STAG1: variants seen among roughly 807,000 people sequenced by gnomAD.
STAG1 encodes the protein STAG1 cohesin complex component, also known as cohesin subunit SA-1.
In STAG1, 26 loss-of-function variants were observed where a neutral mutation model predicts 170.9. The ratio of observed to expected loss-of-function variants is 0.15; its 90% CI spans 0.11 to 0.21. The LOEUF (loss-of-function observed/expected upper bound fraction) is 0.21. Ranked by LOEUF, STAG1 falls within the 10% of genes least tolerant of loss-of-function variation. STAG1 has a pLI of 1.00. For missense variants in STAG1, 964 were observed against 1,509.5 expected (o/e 0.64, Z 5.99); for synonymous variants, 514 against 497.7 (o/e 1.03, Z -0.44).
intron 30 of STAG1, among the ~76,000 whole-genome samples, chr3:136,341,916 C>T (rs1935990705): frequency 6.6e-6 from 1 of 152,144 alleles, no homozygotes; most frequent in South Asian, 2.1e-4. Flanking sequence ...CAGAATTCAA[C>T]AAGGAAGAAT....
chr3:136,558,582 A>G (rs1936716054), intron 5 of STAG1, among the ~76,000 whole-genome samples: 1 of 152,226 alleles, frequency 6.6e-6, no homozygotes, highest in Non-Finnish European at 1.5e-5. Context: ...TGATATTTGT[A>G]ATCCTACTCA....
Position 136,349,166 on chromosome 3 carries a change from C to T in STAG1, c.3263G>A (p.Arg1088Gln), listed in dbSNP as rs139534751. ...TGTAAAGGCAGACTTACCTTCTACT[C>T]GTTTTTTATGAAGTGGAGGTCGTCC... ...KKGRPPLHKK[R>Q]VEDESLDNTW... Residue 1088 changes from arginine (R) to glutamine (Q), a missense_variant, in exon 29 of 34, where the codon CGA (arginine) becomes CAA (glutamine). Physicochemically the swap from Arg to Gln is conservative, Grantham distance 43 (BLOSUM62 1). Transcript: ENST00000383202. 5 of 1,613,432 alleles carry T rather than the reference C, an allele frequency of 3.1e-6. No individual in the cohort carries two copies. The highest frequency in any genetic ancestry group is 1.7e-6 in the Non-Finnish European group (2 of 1,179,408).
intron 1 of STAG1, among the ~76,000 whole-genome samples, chr3:136,703,943 C>CG (rs1057250465): frequency 4.0e-5 from 6 of 151,572 alleles, no homozygotes; most frequent in Admixed American, 3.3e-4. Context: ...ACCTGGGAGG[C>CG]GGAGGTTGCA....
chr3:136,460,367 C>T (rs2089238051), intron 13 of STAG1, among the ~76,000 whole-genome samples: 1 of 152,092 alleles, frequency 6.6e-6, no homozygotes, highest in African/African-American at 2.4e-5. Context: ...TCTTGGAGGC[C>T]AAGGTGGGTG....
chr3:136,406,563 AAAT>A, intron 21 of STAG1, among the ~76,000 whole-genome samples: 1 of 152,204 alleles, frequency 6.6e-6, no homozygotes, highest in East Asian at 1.9e-4. Flanking sequence ...TAATAATTCA[AAAT>A]AATATGGCAG....
intron 6 of STAG1, among the ~76,000 whole-genome samples, chr3:136,525,641 T>C (rs543633074): frequency 3.9e-5 from 6 of 152,222 alleles, no homozygotes; most frequent in Non-Finnish European, 7.3e-5. Context: ...CTGCTAGCTT[T>C]TGAACGTGTT....
chr3:136,718,861 A>G (rs1933028414), intron 1 of STAG1, among the ~76,000 whole-genome samples: 1 of 152,116 alleles, frequency 6.6e-6, no homozygotes, highest in Non-Finnish European at 1.5e-5. Context: ...TGGGAGACGG[A>G]GGTTGCGGTG....
At chr3:136,602,381 C>CA (rs397819185) in intron 4 of STAG1, among the ~76,000 whole-genome samples, 14,769 of 81,716 alleles carry the variant, frequency 0.18, 851 homozygotes, top group Middle Eastern at 0.3. Flanking sequence ...CCATCTCAAA[C>CA]AAAAAAAAAA....
At chr3:136,496,996 A>T (rs1933143270) in intron 9 of STAG1, among the ~76,000 whole-genome samples, 1 of 152,092 alleles carries the variant, frequency 6.6e-6, no homozygotes, top group Admixed American at 6.6e-5. Flanking sequence ...AATACAACTC[A>T]ACCACCAAGA....
chr3:136,380,128 A>G (rs1937869901), intron 22 of STAG1, among the ~76,000 whole-genome samples: 1 of 152,260 alleles, frequency 6.6e-6, no homozygotes, highest in Admixed American at 6.5e-5. Context: ...TGATACTCAC[A>G]GCACCCATAG....
At chr3:136,622,902 T>C (rs561572124) in intron 3 of STAG1, among the ~76,000 whole-genome samples, 21 of 152,308 alleles carry the variant, frequency 1.4e-4, no homozygotes, top group African/African-American at 5.1e-4. Flanking sequence ...AGTGACCTTC[T>C]CTATGCCTTC....
chr3:136,583,715 G>C (rs1219901252), intron 4 of STAG1, among the ~76,000 whole-genome samples: 1 of 152,160 alleles, frequency 6.6e-6, no homozygotes, highest in Non-Finnish European at 1.5e-5. Context: ...CTTAAACCCA[G>C]GAGGCAAAGG....
intron 1 of STAG1, among the ~76,000 whole-genome samples, chr3:136,743,743 A>T (rs1380475613): frequency 6.6e-6 from 1 of 152,210 alleles, no homozygotes; most frequent in Non-Finnish European, 1.5e-5. Context: ...TTATGAAGCC[A>T]TCATAACCCA....
Position 136,343,898 on chromosome 3 carries a change from C to A in STAG1, c.3380G>T (p.Arg1127Leu). 3 of 1,609,260 alleles carry A rather than the reference C, an allele frequency of 1.9e-6. No individual in the cohort carries two copies. The highest frequency in any genetic ancestry group is 2.5e-6 in the Non-Finnish European group (3 of 1,177,742). The change falls in exon 30 of 34, where the codon CGG becomes CTG. Residue 1127 changes from arginine (R) to leucine (L), a missense_variant. Physicochemically the swap from Arg to Leu is moderately radical, Grantham distance 102. Transcript: ENST00000383202. The part of the protein sequence containing the change: ...LTSTVLRENS[R>L]PMGDQIQEPE... ...TTCTTGAATCTGGTCTCCCATGGGCCGACTGTTCTCCCGCAGTACAGTGGA... is the reference window on the plus strand; with the variant it reads ...TTCTTGAATCTGGTCTCCCATGGGCAGACTGTTCTCCCGCAGTACAGTGGA...
chr3:136,584,305 C>G (rs755891290), intron 4 of STAG1, among the ~76,000 whole-genome samples: 5 of 152,158 alleles, frequency 3.3e-5, no homozygotes, highest in Non-Finnish European at 7.3e-5. Flanking sequence ...TTCACAAAAC[C>G]TCCTTGGCCC....
chr3:136,463,844 CATAT>C (rs904558716), intron 13 of STAG1, among the ~76,000 whole-genome samples: 1 of 141,416 alleles, frequency 7.1e-6, no homozygotes, highest in African/African-American at 2.6e-5. Flanking sequence ...TATATACATA[CATAT>C]ATAAATATAT....
chr3:136,503,115 C>T (rs1160239476), intron 7 of STAG1, among the ~76,000 whole-genome samples: 2 of 152,148 alleles, frequency 1.3e-5, no homozygotes, highest in African/African-American at 4.8e-5. Flanking sequence ...AAGCCTAAAC[C>T]TCTCTACTGA....
At chr3:136,660,128 A>C (rs1941529983) in intron 1 of STAG1, among the ~76,000 whole-genome samples, 1 of 152,238 alleles carries the variant, frequency 6.6e-6, no homozygotes, top group African/African-American at 2.4e-5. Context: ...TGTGGAGGCA[A>C]ACAGAAAAGA....
intron 1 of STAG1, among the ~76,000 whole-genome samples, chr3:136,701,345 T>C (rs1265204846): frequency 2.0e-5 from 3 of 152,174 alleles, no homozygotes; most frequent in Non-Finnish European, 2.9e-5. Context: ...TTGACCTTTT[T>C]GCTTCTTGAT....
Sources: gnomAD v4.1 joint callset for allele counts (sites outside exome capture counted in the v4.1 genomes callset) on GRCh38, gnomAD v4.1.1 for gene constraint, MANE v1.5 for transcripts, NCBI Gene and HGNC (gene_info 2026-07-23, HGNC 2026-07-21) for gene names.